GRB10: variants seen among roughly 807,000 people sequenced by gnomAD.
GRB10 encodes the protein growth factor receptor bound protein 10, also known as growth factor receptor-bound protein 10.
Under a neutral mutation model 80.9 loss-of-function variants are expected in GRB10, and 20 were observed. The observed-to-expected ratio is 0.25, with a 90% CI of 0.17 to 0.36. The LOEUF (loss-of-function observed/expected upper bound fraction) is 0.36, where lower values mean the gene tolerates loss of function less well. Among genes scored for constraint, GRB10 ranks in the 10% least tolerant of loss-of-function variants. The probability of loss-of-function intolerance (pLI) is 1.00; values close to 1 mark genes in which losing one functional copy is unlikely to be tolerated. For missense variants in GRB10, 548 were observed against 747.7 expected (o/e 0.73, Z 3.12); for synonymous variants, 291 against 291.5 (o/e 1.00, Z 0.02).
At position 50,611,145 on chromosome 7, in the gene GRB10, C is replaced by T. The variant is rs988673073; in HGVS notation, c.1194+1596G>A. 2.0e-5 allele frequency among the ~76,000 whole-genome samples: 3 copies of T among 152,222 alleles called. No homozygotes were observed. In the East Asian group the frequency reaches 5.8e-4, roughly 29 times the overall value. On this transcript the variant is annotated intron_variant, in intron 13 of 18. Coordinates refer to ENST00000401949, the MANE Select transcript of GRB10 (RefSeq NM_001350814.2). ...CTCCCTACTAAGCAACCTCTTTCTT[C>T]TCTCCTGCAGCTCACACAATGTTCA...
chr7:50,627,910 G>A (rs1396216145), intron 7 of GRB10, among the ~76,000 whole-genome samples: 1 of 152,186 alleles, frequency 6.6e-6, no homozygotes, highest in African/African-American at 2.4e-5. Flanking sequence ...GGCTGTCTCC[G>A]GGCAGCAGGG....
At chr7:50,733,772 G>C (rs902222994) in intron 3 of GRB10, among the ~76,000 whole-genome samples, 1 of 152,184 alleles carries the variant, frequency 6.6e-6, no homozygotes, top group African/African-American at 2.4e-5. Context: ...CTAATTCCCA[G>C]TCACTTAGTC....
At position 50,591,630 on chromosome 7, in the gene GRB10, C is replaced by G. The variant is rs1206229628; in HGVS notation, c.*1322G>C. ...GGGCGGAGGGGACCAAGTGACAACTCAAGCCACCATCTGACTCATCTCCCG... is the reference window on the plus strand; with the variant it reads ...GGGCGGAGGGGACCAAGTGACAACTGAAGCCACCATCTGACTCATCTCCCG... On this transcript the variant is annotated 3_prime_UTR_variant, in exon 19 of 19. Coordinates refer to ENST00000401949, the MANE Select transcript of GRB10 (RefSeq NM_001350814.2). 6.6e-6 allele frequency: 1 copy of G among 152,282 alleles called. No individual in the cohort carries two copies. Among genetic ancestry groups the G allele is most frequent in the Non-Finnish European group, 1.5e-5 (1 of 68,096 alleles). 9.4% of individuals were successfully genotyped at this position (152,282 alleles called of 1,614,324 possible).
intron 7 of GRB10, among the ~76,000 whole-genome samples, chr7:50,650,944 C>T (rs1385552326): frequency 6.6e-6 from 1 of 152,098 alleles, no homozygotes; most frequent in Admixed American, 6.5e-5. Context: ...GTAAATATTG[C>T]AAATATTCTT....
upstream of GRB10, among the ~76,000 whole-genome samples, chr7:50,784,817 C>A (rs2078625323): frequency 6.6e-6 from 1 of 152,216 alleles, no homozygotes. Context: ...TGATGATATA[C>A]TCAGTGGAAG....
intron 3 of GRB10, among the ~76,000 whole-genome samples, chr7:50,749,913 G>A (rs1350523488): frequency 6.6e-6 from 1 of 152,220 alleles, no homozygotes; most frequent in Non-Finnish European, 1.5e-5. Context: ...CTTATTGCAT[G>A]TTATTACATT....
intron 8 of GRB10, among the ~76,000 whole-genome samples, chr7:50,626,321 C>A (rs1350654399): frequency 6.6e-6 from 1 of 152,244 alleles, no homozygotes. Context: ...CTCAAACTTA[C>A]AGCAAAGTGC....
intron 7 of GRB10, among the ~76,000 whole-genome samples, chr7:50,651,708 G>A (rs2058024348): frequency 6.6e-6 from 1 of 152,170 alleles, no homozygotes; most frequent in Non-Finnish European, 1.5e-5. Flanking sequence ...AAACAATGAT[G>A]CCACTTTTAC....
chr7:50,645,014 G>A (rs988030906), intron 7 of GRB10, among the ~76,000 whole-genome samples: 4 of 152,188 alleles, frequency 2.6e-5, no homozygotes, highest in African/African-American at 9.7e-5. Flanking sequence ...CAGTCTGGAC[G>A]ACGCAGAAAA....
chr7:50,641,952 C>T (rs1164604318), intron 7 of GRB10, among the ~76,000 whole-genome samples: 2 of 152,156 alleles, frequency 1.3e-5, no homozygotes, highest in South Asian at 2.1e-4. Context: ...GAAGTCTGCA[C>T]GAACTCACTG....
At chr7:50,657,704 A>C (rs1232685971) in intron 7 of GRB10, among the ~76,000 whole-genome samples, 1 of 152,216 alleles carries the variant, frequency 6.6e-6, no homozygotes, top group Non-Finnish European at 1.5e-5. Context: ...CAGGGACCAA[A>C]AAATAAAAAT....
chr7:50,790,813 G>C (rs1459646505), intron 1 of GRB10, among the ~76,000 whole-genome samples: 1 of 152,222 alleles, frequency 6.6e-6, no homozygotes, highest in Non-Finnish European at 1.5e-5. Context: ...AAATGAAGCT[G>C]AAGGCACAAT....
In GRB10 at chr7:50,693,729, G is replaced by A. The variant is rs185453243; in HGVS notation, c.139+10092C>T. 6.6e-5 allele frequency among the ~76,000 whole-genome samples: 10 copies of A among 152,200 alleles called. No individual in the cohort carries two copies. The East Asian group carries it at 1.4e-3, about 21-fold the overall frequency. On this transcript the variant is annotated intron_variant, in intron 5 of 18. Coordinates refer to ENST00000401949, the MANE Select transcript of GRB10 (RefSeq NM_001350814.2). ...CAGACGGAACAAAGGCATGATGAAT[G>A]TGTGTGCTTTGCAGGCATGGGATTG...
Position 50,732,302 on chromosome 7 carries a change from T to G in GRB10, c.21A>C (p.Pro7=). 6.2e-7 allele frequency: 1 copy of G among 1,613,932 alleles called. No individual in the cohort carries two copies. The highest frequency in any genetic ancestry group is 8.5e-7 in the Non-Finnish European group (1 of 1,179,956). Residue 7 remains proline, a synonymous_variant, in exon 4 of 19, where the codon CCA becomes CCC. Coordinates refer to ENST00000401949, the MANE Select transcript of GRB10 (RefSeq NM_001350814.2). MALAGC[P]DSFLHHPYYQ... ...AGTACGGATGGTGCAAAAAGGAATC[T>G]GGGCAGCCGGCTAAAGCCATGGGTT...
intron 5 of GRB10, among the ~76,000 whole-genome samples, chr7:50,685,441 G>A (rs567157348): frequency 2.0e-5 from 3 of 152,290 alleles, no homozygotes; most frequent in East Asian, 1.9e-4. Context: ...GACATATCCC[G>A]TAGGAAAGAG....
rs2078186770 is a variant in GRB10, at chr7:50,780,652, G to A, written c.-242C>T. The A allele has an allele frequency of 6.6e-6, 1 of 152,164 alleles. No individual in the cohort carries two copies. Among genetic ancestry groups the A allele is most frequent in the African/African-American group, 2.4e-5 (1 of 41,436 alleles). The allele number at this position is 152,164 out of a possible 1,614,324, so 9.4% of individuals were successfully genotyped here. On this transcript the variant is annotated 5_prime_UTR_variant, in exon 2 of 19. Coordinates refer to ENST00000401949, the MANE Select transcript of GRB10 (RefSeq NM_001350814.2). ...CGAGAGGCAGTCAGCTCTGATGTAGGTGGTTCAGAGGTCACACCTTAAAAA... is the reference window on the plus strand; with the variant it reads ...CGAGAGGCAGTCAGCTCTGATGTAGATGGTTCAGAGGTCACACCTTAAAAA...
upstream of GRB10, among the ~76,000 whole-genome samples, chr7:50,786,980 T>A (rs2078719158): frequency 6.6e-6 from 1 of 152,264 alleles, no homozygotes; most frequent in Middle Eastern, 3.4e-3. Context: ...CTCTGTAAGT[T>A]TGGAGGGAAG....
chr7:50,715,374 G>A (rs887175459), intron 4 of GRB10, among the ~76,000 whole-genome samples: 1 of 152,120 alleles, frequency 6.6e-6, no homozygotes, highest in African/African-American at 2.4e-5. Context: ...AAACAGCACA[G>A]ATCCCAGGGC....
intron 3 of GRB10, among the ~76,000 whole-genome samples, chr7:50,755,027 G>A (rs1045940176): frequency 2.0e-5 from 3 of 152,238 alleles, no homozygotes; most frequent in Non-Finnish European, 4.4e-5. Context: ...GGCCTCAGGA[G>A]GAACCAACTC....
Sources: gnomAD v4.1 joint callset for allele counts (sites outside exome capture counted in the v4.1 genomes callset) on GRCh38, gnomAD v4.1.1 for gene constraint, MANE v1.5 for transcripts, NCBI Gene and HGNC (gene_info 2026-07-23, HGNC 2026-07-21) for gene names.